The following TLN2 variants were observed in gnomAD, a reference collection of about 807,000 sequenced individuals.
The protein encoded by TLN2 is talin 2.
A neutral mutation model predicts 294.7 loss-of-function variants in TLN2; 118 were observed. That is an observed-to-expected ratio of 0.40 (90% CI 0.34 to 0.47). The LOEUF is 0.47. TLN2 is among the 20% of genes least tolerant of loss of function. The pLI is 0.84. For synonymous variants in TLN2, 1,431 were observed against 1,304.5 expected (o/e 1.10, Z -2.09); for missense variants, 3,083 against 3,282.2 (o/e 0.94, Z 1.48).
At chr15:62,465,285 T>C (rs1472501005) in intron 1 of TLN2, among the ~76,000 whole-genome samples, 1 of 152,050 alleles carries the variant, frequency 6.6e-6, no homozygotes, top group East Asian at 1.9e-4. Context: ...CTAGCCCCCC[T>C]ATCCCAGCTT....
At chr15:62,697,140 C>T (rs750801844) in intron 14 of TLN2, among the ~76,000 whole-genome samples, 1 of 152,218 alleles carries the variant, frequency 6.6e-6, no homozygotes, top group Non-Finnish European at 1.5e-5. Flanking sequence ...CAGAGTCTCA[C>T]TCTTTTGCCC....
At chr15:62,660,794 G>A (rs1204651684) in intron 9 of TLN2, among the ~76,000 whole-genome samples, 1 of 152,156 alleles carries the variant, frequency 6.6e-6, no homozygotes, top group Non-Finnish European at 1.5e-5. Context: ...ATACAAGGGA[G>A]ATATTATATA....
intron 5 of TLN2, among the ~76,000 whole-genome samples, chr15:62,651,626 C>G (rs986191517): frequency 2.6e-5 from 4 of 152,200 alleles, no homozygotes; most frequent in Non-Finnish European, 5.9e-5. Context: ...GGAAGAAATG[C>G]AGGTATGTTG....
At chr15:62,398,835 G>A (rs1333488057) in intron 1 of TLN2, among the ~76,000 whole-genome samples, 3 of 152,200 alleles carry the variant, frequency 2.0e-5, no homozygotes, top group South Asian at 2.1e-4. Flanking sequence ...GTAGCCTGAC[G>A]CAGTAGAAAA....
intron 1 of TLN2, among the ~76,000 whole-genome samples, chr15:62,467,431 G>T (rs886624964): frequency 1.3e-5 from 2 of 152,308 alleles, no homozygotes; most frequent in African/African-American, 2.4e-5. Flanking sequence ...GGTGGCTCAC[G>T]CCTGTAATCC....
At position 62,755,712 on chromosome 15, in the gene TLN2, G is replaced by A. The variant is rs769083858; in HGVS notation, c.4638+19G>A. The A allele has an allele frequency of 1.5e-5, 24 of 1,613,430 alleles. No homozygotes were observed. Among genetic ancestry groups the A allele is most frequent in the East Asian group, 4.5e-5 (2 of 44,892 alleles). Reference sequence around the variant, plus strand: ...CATCAAGGTAGGTCGCTGGACTACCGGCCTTATTGAACTCTGTAACTCCTG... The same window carrying A: ...CATCAAGGTAGGTCGCTGGACTACCAGCCTTATTGAACTCTGTAACTCCTG... On this transcript the variant is annotated intron_variant, in intron 37 of 58. Transcript: ENST00000636159.
At chr15:62,480,526 A>G (rs529691540) in intron 1 of TLN2, among the ~76,000 whole-genome samples, 9 of 152,348 alleles carry the variant, frequency 5.9e-5, no homozygotes, top group African/African-American at 2.2e-4. Context: ...TGCCCGGCCT[A>G]TATTTCTTTA....
At chr15:62,615,582 G>A (rs1362320318) in intron 2 of TLN2, among the ~76,000 whole-genome samples, 1 of 152,146 alleles carries the variant, frequency 6.6e-6, no homozygotes, top group Non-Finnish European at 1.5e-5. Flanking sequence ...ACAATACAAT[G>A]TACTCTTAAC....
In TLN2 at chr15:62,504,388, A is replaced by T. The variant is rs1009777721; in HGVS notation, c.-237-85299A>T. ...AGTAGCCAAGTTAGTTTTGGAAAAG[A>T]ACATAGTTGGAGGGCTTACACTACC... On this transcript the variant is annotated intron_variant, in intron 1 of 58. Coordinates refer to ENST00000636159, the MANE Select transcript of TLN2 (RefSeq NM_015059.3). 5.3e-5 allele frequency among the ~76,000 whole-genome samples: 8 copies of T among 152,354 alleles called. No individual in the cohort carries two copies. In the South Asian group the frequency reaches 1.7e-3, roughly 32 times the overall value.
intron 45 of TLN2, among the ~76,000 whole-genome samples, chr15:62,786,638 A>C (rs2064682475): frequency 6.6e-6 from 1 of 152,090 alleles, no homozygotes; most frequent in African/African-American, 2.4e-5. Context: ...GAAATACTGG[A>C]TGCCTTAAAA....
Position 62,592,487 on chromosome 15 carries a change from A to T in TLN2, c.-162+2725A>T, listed in dbSNP as rs533504376. On this transcript the variant is annotated intron_variant, in intron 2 of 58. Transcript: ENST00000636159. The stretch of plus-strand genomic sequence containing the variant: ...CCTTTTTAGGAAAAAGCTGTATTGA[A>T]CAACAACAGAAACATTTGTTTTAAA... Among the ~76,000 whole-genome samples, 4 of 152,356 alleles carry T rather than the reference A, an allele frequency of 2.6e-5. No individual in the cohort carries two copies. The South Asian group carries it at 8.3e-4, about 32-fold the overall frequency.
chr15:62,503,434 G>A lies in TLN2; in HGVS notation c.-237-86253G>A, dbSNP rs1281886573. Among the ~76,000 whole-genome samples the A allele has an allele frequency of 3.9e-5, 6 of 152,136 alleles. No homozygotes were observed. In the South Asian group the frequency reaches 1.0e-3, roughly 26 times the overall value. Reference sequence around the variant, plus strand: ...TTCAACTTTTAGCACTGATTTCTCCGCTTAACCCATGTGTGCTTTATACAC... The same window carrying A: ...TTCAACTTTTAGCACTGATTTCTCCACTTAACCCATGTGTGCTTTATACAC... On this transcript the variant is annotated intron_variant, in intron 1 of 58. Transcript: ENST00000636159.
At position 62,703,623 on chromosome 15, in the gene TLN2, GCGCGCA is replaced by G. The variant is rs947601044; in HGVS notation, c.2004+761_2004+766del. The stretch of plus-strand genomic sequence containing the variant: ...CTTCGACACACACACACACACACAC[GCGCGCA>G]CACACACACACACACACACACAGAG... On this transcript the variant is annotated intron_variant, in intron 19 of 58. Transcript: ENST00000636159. Among the ~76,000 whole-genome samples the G allele has an allele frequency of 2.8e-4, 17 of 60,558 alleles. No homozygotes were observed. In the East Asian group the frequency reaches 8.2e-3, roughly 29 times the overall value. The allele number at this position is 60,558 out of a possible 152,430, so 39.7% of individuals were successfully genotyped here.
At chr15:62,654,754 C>CAAAAAAAAAAA (rs59006343) in intron 7 of TLN2, among the ~76,000 whole-genome samples, 2 of 33,860 alleles carry the variant, frequency 5.9e-5, no homozygotes, top group African/African-American at 2.4e-4. Context: ...GACTCTGCCT[C>CAAAAAAAAAAA]AAAAAAAAAA....
chr15:62,568,201 C>T (rs780015997), intron 1 of TLN2, among the ~76,000 whole-genome samples: 3 of 151,980 alleles, frequency 2.0e-5, no homozygotes, highest in Non-Finnish European at 4.4e-5. Context: ...GCTGGCAGGG[C>T]TGGGCAGCAG....
At chr15:62,500,064 C>T (rs1251785847) in intron 1 of TLN2, among the ~76,000 whole-genome samples, 3 of 152,080 alleles carry the variant, frequency 2.0e-5, no homozygotes, top group South Asian at 2.1e-4. Flanking sequence ...AGGCCAGGCG[C>T]AGTGGCTCAA....
chr15:62,740,021 T>C (rs2061235045), intron 31 of TLN2, among the ~76,000 whole-genome samples: 1 of 151,714 alleles, frequency 6.6e-6, no homozygotes, highest in Non-Finnish European at 1.5e-5. Flanking sequence ...ACTGATCTGG[T>C]GTCAGCTTGC....
At chr15:62,418,050 G>T (rs2034185036) in intron 1 of TLN2, among the ~76,000 whole-genome samples, 1 of 152,156 alleles carries the variant, frequency 6.6e-6, no homozygotes, top group Non-Finnish European at 1.5e-5. Flanking sequence ...AGGAAGGAAG[G>T]GTCTCCCTGG....
intron 44 of TLN2, among the ~76,000 whole-genome samples, chr15:62,782,935 C>T (rs909570913): frequency 1.6e-4 from 24 of 152,168 alleles, no homozygotes; most frequent in Non-Finnish European, 1.9e-4. Context: ...CAGTGACACC[C>T]GTCTGGGTGG....
Sources: allele counts gnomAD v4.1 joint callset (sites outside exome capture counted in the v4.1 genomes callset), GRCh38; gene constraint gnomAD v4.1.1; transcripts MANE v1.5; gene names NCBI Gene and HGNC (gene_info 2026-07-23, HGNC 2026-07-21).